The following MED13 variants were observed in gnomAD, a reference collection of about 807,000 sequenced individuals.
The protein encoded by MED13 is mediator of RNA polymerase II transcription subunit 13.
MED13 carries 23 observed loss-of-function variants against 225.2 expected under a neutral mutation model. The ratio of observed to expected loss-of-function variants is 0.10; its 90% CI spans 0.07 to 0.14. MED13 has a LOEUF of 0.14. MED13 is among the 10% of genes least tolerant of loss of function. The pLI, the probability that MED13 is intolerant of heterozygous loss-of-function variation, is 1.00. For missense variants in MED13, 2,197 were observed against 2,594.5 expected, an observed-to-expected ratio of 0.85 and a Z score of 3.33; for synonymous variants, 942 against 889.2, an observed-to-expected ratio of 1.06 and a Z score of -1.06.
At chr17:61,955,277 T>A in intron 26 of MED13, 105 bp downstream of exon 26, 1 of 986,218 alleles carries the variant, frequency 1.0e-6, no homozygotes, top group Non-Finnish European at 1.4e-6. Context: ...ATCTGCAAAA[T>A]CATTTTTTGG....
intron 9 of MED13, among the ~76,000 whole-genome samples, chr17:62,002,489 C>CA (rs35736875): frequency 0.35 from 17,603 of 50,064 alleles, 2,969 homozygotes; most frequent in African/African-American, 0.51. Flanking sequence ...AACTCCATCT[C>CA]AAAAAAAAAA....
rs896895927 is a variant in MED13, at chr17:62,024,867, A to AT, written c.1283+4673dup. 2.1e-4 allele frequency among the ~76,000 whole-genome samples: 32 copies of AT among 151,154 alleles called. No homozygotes were observed. The Middle Eastern group carries it at 0.01, about 48-fold the overall frequency. ...ATGTTCCTGCAGAAGACATGATCTC[A>AT]TTTTTTTTTATGGCTGCACAGTATT... On this transcript the variant is annotated intron_variant, in intron 8 of 29. Transcript: ENST00000397786.
intron 9 of MED13, among the ~76,000 whole-genome samples, chr17:62,003,274 A>G (rs752927729): frequency 3.9e-5 from 6 of 152,150 alleles, no homozygotes; most frequent in Non-Finnish European, 5.9e-5. Flanking sequence ...CTTATCATCT[A>G]ATCTATTATC....
intron 10 of MED13, among the ~76,000 whole-genome samples, chr17:61,993,787 C>T (rs963774596): frequency 6.6e-6 from 1 of 151,604 alleles, no homozygotes; most frequent in Non-Finnish European, 1.5e-5. Context: ...CAAAATTAGC[C>T]GAGCGTAGTG....
At chr17:61,963,605 C>T (rs1426039496) in intron 20 of MED13, among the ~76,000 whole-genome samples, 1 of 152,212 alleles carries the variant, frequency 6.6e-6, no homozygotes, top group South Asian at 2.1e-4. Context: ...TTCACCTGGT[C>T]CCATTTTTAG....
rs552747665 is a variant in MED13, at chr17:61,946,231, C to G, written c.*237G>C. On this transcript the variant is annotated 3_prime_UTR_variant, in exon 30 of 30. Coordinates refer to ENST00000397786, the MANE Select transcript of MED13 (RefSeq NM_005121.3). ...GAAAAAAAAAAGGTTAATTTTGCTA[C>G]GAAAATGTTATAATACGTTTTGTAT... is the stretch of plus-strand genomic sequence containing the variant. 2.8e-4 allele frequency: 102 copies of G among 369,024 alleles called. No homozygotes were observed. The highest frequency in any genetic ancestry group is 2.0e-3 in the African/African-American group (96 of 47,686). 22.9% of individuals were successfully genotyped at this position (369,024 alleles called of 1,614,324 possible). A position where few individuals can be genotyped will look rare whatever the true frequency, so the allele number is the denominator to read the frequency against.
chr17:61,990,695 A>C (rs1021783445), intron 11 of MED13, among the ~76,000 whole-genome samples: 1 of 151,304 alleles, frequency 6.6e-6, no homozygotes, highest in Non-Finnish European at 1.5e-5. Flanking sequence ...ATAAATATAT[A>C]TAATTTTTAC....
rs757314866 is a variant in MED13 at position 61,960,290 on chromosome 17, CAG to C, written c.5480+575_5480+576del. ...AACCAAACTTTTTTTTTTTTTGAGA[CAG>C]AGTCTCATTCTTGTCACTCAGGCTG... On this transcript the variant is annotated intron_variant, in intron 23 of 29. Coordinates refer to ENST00000397786, the MANE Select transcript of MED13 (RefSeq NM_005121.3). Among the ~76,000 whole-genome samples the C allele has an allele frequency of 4.1e-4, 61 of 150,138 alleles. 1 individual carries two copies. Among genetic ancestry groups the C allele is most frequent in the Non-Finnish European group, 7.2e-4 (49 of 67,690 alleles).
intron 16 of MED13, among the ~76,000 whole-genome samples, chr17:61,975,481 G>C (rs1383109419): frequency 6.6e-6 from 1 of 152,194 alleles, no homozygotes; most frequent in African/African-American, 2.4e-5. Context: ...TGTGACAAGT[G>C]TAAGTGAAAC....
chr17:62,045,248 T>C lies in MED13; in HGVS notation c.470+7289A>G, dbSNP rs118072251. ...TCTTTACTAGTATGTTTCTATTCTG[T>C]ATACCCTCCTAGAAGCATTTAAAAC... On this transcript the variant is annotated intron_variant, in intron 3 of 29. Coordinates refer to ENST00000397786, the MANE Select transcript of MED13 (RefSeq NM_005121.3). Among the ~76,000 whole-genome samples, 866 of 152,310 alleles carry C rather than the reference T, an allele frequency of 5.7e-3. 9 individuals carry two copies. The highest frequency in any genetic ancestry group is 6.7e-3 in the Non-Finnish European group (457 of 68,022).
intron 4 of MED13, among the ~76,000 whole-genome samples, 182 bp downstream of exon 4, chr17:62,035,281 T>C (rs2080792592): frequency 6.6e-6 from 1 of 152,194 alleles, no homozygotes; most frequent in South Asian, 2.1e-4. Context: ...GTAATACCTG[T>C]ATTTAAAAAT....
chr17:61,966,456 C>G lies in MED13; in HGVS notation c.4381+6G>C. ...CAGCCTTATACAATAAATACAAATTCAATACCTAGGTCATATCTGCAGACT... is the reference window on the plus strand; with the variant it reads ...CAGCCTTATACAATAAATACAAATTGAATACCTAGGTCATATCTGCAGACT... On this transcript the variant is annotated splice_donor_region_variant and intron_variant, in intron 19 of 29. Transcript: ENST00000397786. The G allele has an allele frequency of 6.2e-7, 1 of 1,602,148 alleles. No homozygotes were observed. Among genetic ancestry groups the G allele is most frequent in the Non-Finnish European group, 8.5e-7 (1 of 1,175,236 alleles).
chr17:61,976,010 C>T (rs2080152666), intron 16 of MED13, among the ~76,000 whole-genome samples: 1 of 151,770 alleles, frequency 6.6e-6, no homozygotes, highest in Admixed American at 6.6e-5. Flanking sequence ...GAGCGAGACT[C>T]CGTCTCAAAA....
chr17:61,981,348 A>G (rs2080202801), intron 16 of MED13, among the ~76,000 whole-genome samples: 1 of 152,166 alleles, frequency 6.6e-6, no homozygotes, highest in African/African-American at 2.4e-5. Flanking sequence ...AACAATCAGA[A>G]TAAGGATCAT....
At chr17:61,962,712 G>A (rs1431937158) in intron 21 of MED13, 40 bp downstream of exon 21, 2 of 1,568,282 alleles carry the variant, frequency 1.3e-6, no homozygotes, top group Non-Finnish European at 1.8e-6. Flanking sequence ...ACATTAAACT[G>A]TTTTACATAA....
At chr17:62,039,785 C>T (rs987137715) in intron 3 of MED13, among the ~76,000 whole-genome samples, 9 of 151,894 alleles carry the variant, frequency 5.9e-5, no homozygotes, top group African/African-American at 9.7e-5. Context: ...TTAGTAGAGA[C>T]GGGGTTTTGC....
intron 11 of MED13, among the ~76,000 whole-genome samples, chr17:61,987,826 A>T (rs907865907): frequency 4.0e-5 from 6 of 151,838 alleles, no homozygotes; most frequent in Non-Finnish European, 8.8e-5. Flanking sequence ...ATCACACCTC[A>T]CTGTAGCCTT....
chr17:62,010,723 T>G lies in MED13; in HGVS notation c.1794A>C (p.Val598=), dbSNP rs2080499227. Residue 598 remains valine, a synonymous_variant, in exon 9 of 30, where the codon GTA becomes GTC. Coordinates refer to ENST00000397786, the MANE Select transcript of MED13 (RefSeq NM_005121.3). ...PQYQEAVEPT[V]YVGTAVNLEE... is the part of the protein sequence containing the mutation. ...CCAAGTTTACTGCTGTACCAACATA[T>G]ACTGTAGGTTCTACAGCTTCCTGAT... 1 of 1,611,578 alleles carries G rather than the reference T, an allele frequency of 6.2e-7. No homozygotes were observed. Among genetic ancestry groups the G allele is most frequent in the Non-Finnish European group, 8.5e-7 (1 of 1,178,620 alleles).
chr17:62,064,262 G>A lies in MED13; in HGVS notation c.66+878C>T, dbSNP rs1436266004. Among the ~76,000 whole-genome samples the A allele has an allele frequency of 5.9e-5, 9 of 152,178 alleles. 1 individual carries two copies. In the South Asian group the frequency reaches 1.0e-3, roughly 17 times the overall value. On this transcript the variant is annotated intron_variant, in intron 1 of 29. Coordinates refer to ENST00000397786, the MANE Select transcript of MED13 (RefSeq NM_005121.3). ...TGAAGCTCAGCTACTGTCCCATACAGGACAAGTTATTTGCAACAGTTGGTA... is the reference window on the plus strand; with the variant it reads ...TGAAGCTCAGCTACTGTCCCATACAAGACAAGTTATTTGCAACAGTTGGTA...
Sources: allele counts gnomAD v4.1 joint callset (sites outside exome capture counted in the v4.1 genomes callset), GRCh38; gene constraint gnomAD v4.1.1; transcripts MANE v1.5; gene names NCBI Gene and HGNC (gene_info 2026-07-23, HGNC 2026-07-21).